The following STX18 variants were observed in gnomAD, a reference collection of about 807,000 sequenced individuals.
STX18 encodes syntaxin-18.
In STX18, 40 loss-of-function variants were observed where a neutral mutation model predicts 50.1. The observed-to-expected ratio is 0.80, with a 90% CI of 0.62 to 1.04. The LOEUF (loss-of-function observed/expected upper bound fraction) is 1.04. STX18 is among the 50% of genes least tolerant of loss of function. The pLI is 0.00. For missense variants in STX18, 410 were observed against 415.8 expected (o/e 0.99, Z 0.12); for synonymous variants, 158 against 151.8 (o/e 1.04, Z -0.30).
chr4:4,491,226 C>T (rs1032907331), intron 1 of STX18, among the ~76,000 whole-genome samples: 1 of 151,940 alleles, frequency 6.6e-6, no homozygotes, highest in Non-Finnish European at 1.5e-5. Context: ...ACTACGAGCA[C>T]GTCTAGCCTC....
chr4:4,425,295 T>C, intron 7 of STX18, 73 bp from the exon 8 acceptor site: 1 of 1,381,980 alleles, frequency 7.2e-7, no homozygotes, highest in South Asian at 1.2e-5. Context: ...AAAGCGGACC[T>C]ACGCTCCAGG....
intron 1 of STX18, among the ~76,000 whole-genome samples, chr4:4,535,706 G>C (rs1276458445): frequency 6.6e-6 from 1 of 152,150 alleles, no homozygotes; most frequent in African/African-American, 2.4e-5. Flanking sequence ...GCACACTCAT[G>C]CTCTGTTCAC....
chr4:4,472,437 C>T (rs1374355008), intron 1 of STX18, among the ~76,000 whole-genome samples: 1 of 152,218 alleles, frequency 6.6e-6, no homozygotes, highest in Non-Finnish European at 1.5e-5. Context: ...TAGCCAGTGG[C>T]CTGCTGGTCC....
At chr4:4,474,880 T>C (rs1001311004) in intron 1 of STX18, among the ~76,000 whole-genome samples, 1 of 152,232 alleles carries the variant, frequency 6.6e-6, no homozygotes, top group African/African-American at 2.4e-5. Context: ...AACTATAAGA[T>C]AATAAATCTG....
intron 1 of STX18, among the ~76,000 whole-genome samples, chr4:4,503,346 CTA>C (rs1316431926): frequency 6.6e-6 from 1 of 152,110 alleles, no homozygotes; most frequent in African/African-American, 2.4e-5. Flanking sequence ...AAAACTAAAC[CTA>C]TGCATCACCT....
chr4:4,527,904 G>A (rs1227031324), intron 1 of STX18, among the ~76,000 whole-genome samples: 1 of 141,576 alleles, frequency 7.1e-6, no homozygotes, highest in Non-Finnish European at 1.5e-5. Context: ...TAAATTAAAA[G>A]GCAGTGATGA....
At chr4:4,455,065 C>A (rs1726993433) in intron 5 of STX18, among the ~76,000 whole-genome samples, 1 of 152,202 alleles carries the variant, frequency 6.6e-6, no homozygotes, top group African/African-American at 2.4e-5. Context: ...AAGCAACCTG[C>A]TCAAAGTCAC....
chr4:4,533,554 T>C (rs1348924539), intron 1 of STX18, among the ~76,000 whole-genome samples: 1 of 152,248 alleles, frequency 6.6e-6, no homozygotes, highest in African/African-American at 2.4e-5. Flanking sequence ...TGTATTCTTC[T>C]GCACATTAGT....
intron 1 of STX18, among the ~76,000 whole-genome samples, chr4:4,500,893 T>C (rs35195490): frequency 3.3e-5 from 5 of 151,954 alleles, no homozygotes; most frequent in Non-Finnish European, 5.9e-5. Context: ...AAAAATTAGC[T>C]GGGCGTGGTG....
intron 1 of STX18, among the ~76,000 whole-genome samples, chr4:4,519,643 G>A (rs1730427881): frequency 6.6e-6 from 1 of 152,134 alleles, no homozygotes; most frequent in African/African-American, 2.4e-5. Context: ...GGCAAAAAAG[G>A]GAATGCTCAA....
intron 2 of STX18, among the ~76,000 whole-genome samples, chr4:4,463,215 A>G (rs1279979525): frequency 6.6e-6 from 1 of 152,204 alleles, no homozygotes; most frequent in African/African-American, 2.4e-5. Context: ...CTTGTAGCCC[A>G]TCACAGCTAC....
At chr4:4,519,604 A>C (rs1336526354) in intron 1 of STX18, among the ~76,000 whole-genome samples, 1 of 152,182 alleles carries the variant, frequency 6.6e-6, no homozygotes, top group African/African-American at 2.4e-5. Context: ...TTAGCTGTAA[A>C]ACAGCTGAGA....
chr4:4,529,025 C>T (rs932712359), intron 1 of STX18, among the ~76,000 whole-genome samples: 1 of 152,150 alleles, frequency 6.6e-6, no homozygotes, highest in Admixed American at 6.5e-5. Context: ...ACCACAAATC[C>T]TTTTCTCTTT....
At chr4:4,462,277 A>G (rs1204454099) in intron 2 of STX18, among the ~76,000 whole-genome samples, 1 of 152,210 alleles carries the variant, frequency 6.6e-6, no homozygotes, top group Non-Finnish European at 1.5e-5. Context: ...TGGGGTTCCA[A>G]TTCAATTATC....
rs961627161 is a variant in STX18, at chr4:4,473,438, A to G, written c.169-1732T>C. Among the ~76,000 whole-genome samples the G allele has an allele frequency of 1.3e-4, 20 of 151,112 alleles. No homozygotes were observed. In the Middle Eastern group the frequency reaches 0.014, roughly 104 times the overall value. On this transcript the variant is annotated intron_variant, in intron 1 of 10. Coordinates refer to ENST00000306200, the MANE Select transcript of STX18 (RefSeq NM_016930.4). ...CTCCGGAGTAGCTGGGACTACAGGCACCCGCCACCACACCCGGCTAATTTT... is the reference window on the plus strand; with the variant it reads ...CTCCGGAGTAGCTGGGACTACAGGCGCCCGCCACCACACCCGGCTAATTTT...
intron 1 of STX18, among the ~76,000 whole-genome samples, chr4:4,489,749 C>T (rs1021579344): frequency 6.6e-6 from 1 of 152,028 alleles, no homozygotes; most frequent in Non-Finnish European, 1.5e-5. Context: ...AAAATAATCA[C>T]TCCGTAACAT....
chr4:4,420,985 C>T lies in STX18; in HGVS notation c.832-41G>A. 6.2e-7 allele frequency: 1 copy of T among 1,600,296 alleles called. No homozygotes were observed. On this transcript the variant is annotated intron_variant, in intron 9 of 10. Transcript: ENST00000306200. The surrounding 1 kb of genome is among the most constrained non-coding windows in gnomAD (Gnocchi z 4.3). ...TAAATACAAGTTGAGTATCCTTTAT[C>T]CAAAAACCTGAAACCCAAAATGCTC...
intron 1 of STX18, among the ~76,000 whole-genome samples, chr4:4,500,188 A>G (rs1231154578): frequency 6.6e-6 from 1 of 152,224 alleles, no homozygotes; most frequent in East Asian, 1.9e-4. Flanking sequence ...GGAAAATAAA[A>G]TCAGTCCATA....
At chr4:4,459,300 G>A (rs886299089) in intron 3 of STX18, 72 bp downstream of exon 3, 27 of 1,053,438 alleles carry the variant, frequency 2.6e-5, no homozygotes, top group Admixed American at 3.7e-5. Flanking sequence ...TTAACTGGCC[G>A]CACCATATGC....
Sources: gnomAD v4.1 joint callset for allele counts (sites outside exome capture counted in the v4.1 genomes callset) on GRCh38, gnomAD v4.1.1 for gene constraint, Gnocchi (gnomAD v3.1) non-coding constraint, MANE v1.5 for transcripts, NCBI Gene and HGNC (gene_info 2026-07-23, HGNC 2026-07-21) for gene names.